Variants in DLC1 observed in about 807,000 individuals in gnomAD.
DLC1 encodes DLC1 Rho GTPase activating protein, also known as rho GTPase-activating protein 7.
In DLC1, 54 loss-of-function variants were observed where a neutral mutation model predicts 140.3. That is an observed-to-expected ratio of 0.38 (90% confidence interval 0.31 to 0.48). The LOEUF is 0.48. Ranked by LOEUF, DLC1 falls within the 20% of genes least tolerant of loss-of-function variation. DLC1 has a pLI of 0.96. For synonymous variants in DLC1, 986 were observed against 728.1 expected (o/e 1.35, Z -5.70); for missense variants, 2,536 against 1,907.0 (o/e 1.33, Z -6.14).
At chr8:13,428,646 T>A (rs1585091631) in intron 2 of DLC1, among the ~76,000 whole-genome samples, 1 of 152,010 alleles carries the variant, frequency 6.6e-6, no homozygotes, top group Non-Finnish European at 1.5e-5. Context: ...AGAAAAGATA[T>A]GCCTCGGGAG....
chr8:13,096,414 C>T (rs978102445), intron 10 of DLC1, among the ~76,000 whole-genome samples: 1 of 152,066 alleles, frequency 6.6e-6, no homozygotes, highest in African/African-American at 2.4e-5. Flanking sequence ...GCAGCCATGG[C>T]ATGTTACTGT....
chr8:13,131,298 G>A (rs1363142473), intron 5 of DLC1, among the ~76,000 whole-genome samples: 2 of 152,110 alleles, frequency 1.3e-5, no homozygotes, highest in African/African-American at 4.8e-5. Flanking sequence ...GCTGCAGTCT[G>A]CTGGACTATT....
intron 5 of DLC1, among the ~76,000 whole-genome samples, chr8:13,183,720 G>A (rs1259912505): frequency 6.6e-6 from 1 of 152,154 alleles, no homozygotes; most frequent in Non-Finnish European, 1.5e-5. Context: ...AGGTTTGCCA[G>A]TATTTTACTG....
chr8:13,447,906 G>T (rs1250788711), intron 2 of DLC1, among the ~76,000 whole-genome samples: 1 of 151,972 alleles, frequency 6.6e-6, no homozygotes, highest in Non-Finnish European at 1.5e-5. Context: ...ACATTTTTAG[G>T]AAACAAATAT....
intron 5 of DLC1, among the ~76,000 whole-genome samples, chr8:13,176,303 G>T (rs151073128): frequency 1.3e-5 from 2 of 152,170 alleles, no homozygotes; most frequent in Non-Finnish European, 2.9e-5. Flanking sequence ...TTTTGTCCGG[G>T]TGTGGTGGTT....
rs1800682621 is a variant in DLC1 at position 13,480,548 on chromosome 8, CT to C, written c.1023+18500del. Among the ~76,000 whole-genome samples, 3 of 152,144 alleles carry C rather than the reference CT, an allele frequency of 2.0e-5. No individual in the cohort carries two copies. In the East Asian group the frequency reaches 5.8e-4, roughly 29 times the overall value. On this transcript the variant is annotated intron_variant, in intron 2 of 17. Coordinates refer to ENST00000276297, the MANE Select transcript of DLC1 (RefSeq NM_182643.3). Reference sequence around the variant, plus strand: ...CTGCTATGGTCTTTGAATCTTTATCCTATAGGTGAAGCACAGAATGATAATA... The same window carrying C: ...CTGCTATGGTCTTTGAATCTTTATCCATAGGTGAAGCACAGAATGATAATA...
At chr8:13,507,858 A>AC (rs1306843176) in intron 1 of DLC1, among the ~76,000 whole-genome samples, 1 of 152,210 alleles carries the variant, frequency 6.6e-6, no homozygotes, top group Non-Finnish European at 1.5e-5. Flanking sequence ...TTTCCAAAAT[A>AC]CACATCCAAC....
chr8:13,257,365 G>A (rs59408918), intron 5 of DLC1, among the ~76,000 whole-genome samples: 13,727 of 151,076 alleles, frequency 0.091, 708 homozygotes, highest in South Asian at 0.17. Flanking sequence ...TGAGCCCCAG[G>A]GTTCAAGACT....
chr8:13,387,818 A>T (rs190543555), intron 4 of DLC1, among the ~76,000 whole-genome samples: 1 of 152,034 alleles, frequency 6.6e-6, no homozygotes. Context: ...CCAAATGTCA[A>T]TGTACCTGCA....
chr8:13,180,506 C>G (rs1354424188), intron 5 of DLC1, among the ~76,000 whole-genome samples: 2 of 152,206 alleles, frequency 1.3e-5, no homozygotes, highest in South Asian at 2.1e-4. Flanking sequence ...AAATCCCAAA[C>G]TAAGCACTTG....
chr8:13,463,359 T>A (rs1799764250), intron 2 of DLC1, among the ~76,000 whole-genome samples: 2 of 152,166 alleles, frequency 1.3e-5, no homozygotes, highest in Admixed American at 1.3e-4. Context: ...CAGAGATTAA[T>A]CATTGAAAGA....
chr8:13,305,762 AG>A (rs1270650296), intron 4 of DLC1, among the ~76,000 whole-genome samples: 2 of 152,216 alleles, frequency 1.3e-5, no homozygotes, highest in Non-Finnish European at 2.9e-5. Flanking sequence ...ACCTGAGCCC[AG>A]GGAGATCAAA....
chr8:13,310,973 A>G (rs984969738), intron 4 of DLC1, among the ~76,000 whole-genome samples: 13 of 152,204 alleles, frequency 8.5e-5, no homozygotes, highest in Admixed American at 2.6e-4. Context: ...ATAAAATCAA[A>G]TTTAAATACA....
chr8:13,592,887 T>C (rs1411645343), intron 1 of DLC1, among the ~76,000 whole-genome samples: 1 of 152,124 alleles, frequency 6.6e-6, no homozygotes, highest in Non-Finnish European at 1.5e-5. Context: ...TTGATTCTAT[T>C]ACTTATAATT....
At chr8:13,489,846 A>G (rs556767356) in intron 2 of DLC1, among the ~76,000 whole-genome samples, 1 of 152,240 alleles carries the variant, frequency 6.6e-6, no homozygotes, top group Non-Finnish European at 1.5e-5. Flanking sequence ...CATTATTTTC[A>G]GATATAATAA....
At chr8:13,380,213 G>A (rs1159771415) in intron 4 of DLC1, among the ~76,000 whole-genome samples, 5 of 152,194 alleles carry the variant, frequency 3.3e-5, no homozygotes, top group Non-Finnish European at 7.3e-5. Context: ...AATAAGAAAC[G>A]AGTTAGAGTC....
intron 1 of DLC1, among the ~76,000 whole-genome samples, chr8:13,552,611 A>G (rs1439168430): frequency 6.6e-6 from 1 of 151,564 alleles, no homozygotes; most frequent in Admixed American, 6.6e-5. Flanking sequence ...ACTGTTCTAT[A>G]CTATGTACTA....
chr8:13,498,780 A>G (rs1172140927), intron 2 of DLC1: 2 of 326,434 alleles, frequency 6.1e-6, no homozygotes, highest in Non-Finnish European at 1.1e-5. Context: ...AACTAAAGAA[A>G]GGGATACCAA....
At chr8:13,424,052 AT>A (rs1194503284) in intron 2 of DLC1, among the ~76,000 whole-genome samples, 2 of 152,250 alleles carry the variant, frequency 1.3e-5, no homozygotes, top group Non-Finnish European at 2.9e-5. Flanking sequence ...TCTTTATTCT[AT>A]TTAATGGAAT....
Sources: gnomAD v4.1 joint callset for allele counts (sites outside exome capture counted in the v4.1 genomes callset) on GRCh38, gnomAD v4.1.1 for gene constraint, MANE v1.5 for transcripts, NCBI Gene and HGNC (gene_info 2026-07-23, HGNC 2026-07-21) for gene names.